The following JAZF1 variants were observed in gnomAD, a reference collection of about 807,000 sequenced individuals.
JAZF1 encodes the protein juxtaposed with another zinc finger protein 1.
JAZF1 carries 8 observed loss-of-function variants against 26.4 expected under a neutral mutation model. The ratio of observed to expected loss-of-function variants is 0.30; its 90% CI spans 0.18 to 0.55. The LOEUF (loss-of-function observed/expected upper bound fraction) is 0.55. Among genes scored for constraint, JAZF1 ranks in the 20% least tolerant of loss-of-function variants. The pLI is 0.94. For missense variants in JAZF1, 199 were observed against 322.0 expected (o/e 0.62, Z 2.92); for synonymous variants, 126 against 122.3 (o/e 1.03, Z -0.20).
At chr7:27,914,058 G>C (rs915541587) in intron 2 of JAZF1, among the ~76,000 whole-genome samples, 5 of 152,192 alleles carry the variant, frequency 3.3e-5, no homozygotes, top group African/African-American at 1.2e-4. Flanking sequence ...GGAGAACTGA[G>C]AGAGAACAAA....
chr7:28,065,487 G>C (rs549443279), intron 1 of JAZF1, among the ~76,000 whole-genome samples: 1 of 152,158 alleles, frequency 6.6e-6, no homozygotes, highest in Non-Finnish European at 1.5e-5. Flanking sequence ...TTTGTTTATT[G>C]CACAATGTTT....
At chr7:27,851,116 T>C (rs1783140731) in intron 3 of JAZF1, among the ~76,000 whole-genome samples, 1 of 152,168 alleles carries the variant, frequency 6.6e-6, no homozygotes, top group African/African-American at 2.4e-5. Context: ...CTAGTTTTTG[T>C]ATTTTTAGTA....
chr7:28,100,762 A>G (rs1251674922), intron 1 of JAZF1, among the ~76,000 whole-genome samples: 1 of 152,110 alleles, frequency 6.6e-6, no homozygotes, highest in Non-Finnish European at 1.5e-5. Context: ...ATGTGCTGAA[A>G]TTCTGAGAAG....
intron 1 of JAZF1, among the ~76,000 whole-genome samples, chr7:28,011,467 A>G (rs1782797574): frequency 6.6e-6 from 1 of 152,238 alleles, no homozygotes; most frequent in Non-Finnish European, 1.5e-5. Context: ...ACTTCTGAAC[A>G]TGACAAACGT....
chr7:27,919,252 T>C (rs1197182532), intron 2 of JAZF1, among the ~76,000 whole-genome samples: 2 of 152,360 alleles, frequency 1.3e-5, no homozygotes, highest in East Asian at 3.9e-4. Flanking sequence ...ACTATCTCAT[T>C]AGCATGAAAT....
At chr7:28,160,802 T>C (rs1217338769) in intron 1 of JAZF1, among the ~76,000 whole-genome samples, 3 of 152,216 alleles carry the variant, frequency 2.0e-5, no homozygotes, top group Non-Finnish European at 4.4e-5. Flanking sequence ...TCTAAAATTA[T>C]CAGCAAGATA....
At chr7:28,086,635 AG>A (rs1784216523) in intron 1 of JAZF1, among the ~76,000 whole-genome samples, 1 of 152,246 alleles carries the variant, frequency 6.6e-6, no homozygotes, top group African/African-American at 2.4e-5. Context: ...GATGCATGAA[AG>A]AAAGAACTTT....
At chr7:27,859,700 C>T (rs1206665193) in intron 3 of JAZF1, among the ~76,000 whole-genome samples, 1 of 151,628 alleles carries the variant, frequency 6.6e-6, no homozygotes, top group Non-Finnish European at 1.5e-5. Context: ...AGGGGAACAT[C>T]ACACACCGGG....
At chr7:27,940,913 T>C (rs976836716) in intron 2 of JAZF1, among the ~76,000 whole-genome samples, 5 of 152,226 alleles carry the variant, frequency 3.3e-5, no homozygotes, top group African/African-American at 1.2e-4. Context: ...CATAAATGTC[T>C]TGGCCTGGTA....
chr7:28,110,443 A>C (rs1211625850), intron 1 of JAZF1, among the ~76,000 whole-genome samples: 5 of 122,434 alleles, frequency 4.1e-5, no homozygotes, highest in African/African-American at 1.6e-4. Flanking sequence ...AAAAAGAGAG[A>C]GAGAAAAAGG....
chr7:27,912,739 T>C (rs1468133455), intron 2 of JAZF1, among the ~76,000 whole-genome samples: 1 of 151,744 alleles, frequency 6.6e-6, no homozygotes, highest in Non-Finnish European at 1.5e-5. Flanking sequence ...TTACAGAACA[T>C]GTGGCCCAGA....
rs370970301 is a variant in JAZF1, at chr7:28,145,042, T to C, written c.115+35421A>G. Reference sequence around the variant, plus strand: ...TACAGAACTATCCAAACACGTTCAATACTGCTAGATCTAATGACAGAGGTC... The same window carrying C: ...TACAGAACTATCCAAACACGTTCAACACTGCTAGATCTAATGACAGAGGTC... On this transcript the variant is annotated intron_variant, in intron 1 of 4. Transcript: ENST00000283928. Among the ~76,000 whole-genome samples the C allele has an allele frequency of 9.9e-5, 15 of 152,232 alleles. No homozygotes were observed. In the East Asian group the frequency reaches 1.2e-3, roughly 12 times the overall value.
chr7:27,996,301 G>A (rs1478273174), intron 1 of JAZF1, among the ~76,000 whole-genome samples: 3 of 152,176 alleles, frequency 2.0e-5, no homozygotes, highest in Non-Finnish European at 1.5e-5. Flanking sequence ...TGTGCTATTC[G>A]CAGGCTGGGA....
Position 27,987,107 on chromosome 7 carries a change from T to G in JAZF1, c.188+4802A>C, listed in dbSNP as rs570857694. On this transcript the variant is annotated intron_variant, in intron 2 of 4. Coordinates refer to ENST00000283928, the MANE Select transcript of JAZF1 (RefSeq NM_175061.4). Reference sequence around the variant, plus strand: ...CTGGGAAGTGAGGAGCGTCTCTGCCTGGCCACCCATCGTCTGGGATGTGAG... The same window carrying G: ...CTGGGAAGTGAGGAGCGTCTCTGCCGGGCCACCCATCGTCTGGGATGTGAG... 3.5e-3 allele frequency among the ~76,000 whole-genome samples: 513 copies of G among 147,602 alleles called. 4 individuals carry two copies. Among genetic ancestry groups the G allele is most frequent in the African/African-American group, 0.012 (468 of 39,902 alleles).
chr7:27,993,383 G>A (rs10231504), intron 1 of JAZF1, among the ~76,000 whole-genome samples: 2,038 of 152,230 alleles, frequency 0.013, 49 homozygotes, highest in African/African-American at 0.047. Context: ...CTGGCCTAGG[G>A]ATAAAAGGAG....
chr7:27,940,066 G>A, intron 2 of JAZF1, among the ~76,000 whole-genome samples: 1 of 152,144 alleles, frequency 6.6e-6, no homozygotes, highest in Non-Finnish European at 1.5e-5. Flanking sequence ...GCAGCTCCCT[G>A]TCTTCTGGGA....
intron 2 of JAZF1, among the ~76,000 whole-genome samples, chr7:27,936,600 T>C (rs533545921): frequency 1.3e-5 from 2 of 152,356 alleles, no homozygotes; most frequent in South Asian, 4.1e-4. Flanking sequence ...TTATATCCAA[T>C]GCACAAACTC....
intron 3 of JAZF1, among the ~76,000 whole-genome samples, chr7:27,870,147 G>A (rs1223503906): frequency 5.6e-5 from 8 of 142,096 alleles, no homozygotes; most frequent in Middle Eastern, 7.9e-3. Flanking sequence ...GGCTGGTCTC[G>A]AACTCCTGAC....
intron 2 of JAZF1, among the ~76,000 whole-genome samples, chr7:27,924,133 C>T (rs1427294336): frequency 2.6e-5 from 4 of 152,172 alleles, no homozygotes; most frequent in Non-Finnish European, 4.4e-5. Flanking sequence ...GGCTGGAGTG[C>T]AGTGGCGCCA....
Sources: allele counts gnomAD v4.1 joint callset (sites outside exome capture counted in the v4.1 genomes callset), GRCh38; gene constraint gnomAD v4.1.1; transcripts MANE v1.5; gene names NCBI Gene and HGNC (gene_info 2026-07-23, HGNC 2026-07-21).